KCTD16: variants seen among roughly 807,000 people sequenced by gnomAD.
KCTD16 encodes BTB/POZ domain-containing protein KCTD16.
In KCTD16, 13 loss-of-function variants were observed where a neutral mutation model predicts 33.2. The ratio of observed to expected loss-of-function variants is 0.39; its 90% CI spans 0.25 to 0.62. KCTD16 has a LOEUF of 0.62. KCTD16 is among the 20% of genes least tolerant of loss of function. The pLI, the probability that KCTD16 is intolerant of heterozygous loss-of-function variation, is 0.50. For missense variants in KCTD16, 441 were observed against 525.1 expected, an observed-to-expected ratio of 0.84 and a Z score of 1.57; for synonymous variants, 197 against 195.3, an observed-to-expected ratio of 1.01 and a Z score of -0.07.
intron 3 of KCTD16, chr5:144,385,239 T>C (rs1752298918): frequency 6.6e-6 from 1 of 152,226 alleles, no homozygotes; most frequent in African/African-American, 2.4e-5. Flanking sequence ...CAGAAAAATA[T>C]ATTTTTGTTT....
rs187240015 is a variant in KCTD16, at chr5:144,251,271, G to T, written c.832+43725G>T. 1.3e-4 allele frequency among the ~76,000 whole-genome samples: 20 copies of T among 152,260 alleles called. 1 individual carries two copies. In the East Asian group the frequency reaches 3.9e-3, roughly 29 times the overall value. On this transcript the variant is annotated intron_variant, in intron 3 of 3. Coordinates refer to ENST00000512467, the MANE Select transcript of KCTD16 (RefSeq NM_020768.4). Reference sequence around the variant, plus strand: ...AGGGGGTGGTGTGTTGTTTAAAAGGGAGTTCTGGAGGCAAAGTACCTGGGT... The same window carrying T: ...AGGGGGTGGTGTGTTGTTTAAAAGGTAGTTCTGGAGGCAAAGTACCTGGGT...
intron 3 of KCTD16, among the ~76,000 whole-genome samples, chr5:144,450,196 A>G (rs1753909532): frequency 6.6e-6 from 1 of 152,104 alleles, no homozygotes. Context: ...GTATATAAAA[A>G]GGCACTCAAC....
chr5:144,190,165 C>T (rs1752813027), intron 2 of KCTD16, among the ~76,000 whole-genome samples: 1 of 152,220 alleles, frequency 6.6e-6, no homozygotes, highest in Non-Finnish European at 1.5e-5. Flanking sequence ...GCTCCTATCA[C>T]TGCACTGGAT....
At chr5:144,454,919 A>G (rs56131523) in intron 3 of KCTD16, among the ~76,000 whole-genome samples, 12,595 of 152,188 alleles carry the variant, frequency 0.083, 1,726 homozygotes, top group African/African-American at 0.28. Flanking sequence ...TGAGGTTGGT[A>G]TCTACATGTG....
At chr5:144,344,154 G>T (rs540025120) in intron 3 of KCTD16, among the ~76,000 whole-genome samples, 1 of 152,054 alleles carries the variant, frequency 6.6e-6, no homozygotes, top group South Asian at 2.1e-4. Flanking sequence ...CTGGCTAGCC[G>T]TATGTAGAAA....
At chr5:144,199,788 C>G (rs1753007463) in intron 2 of KCTD16, among the ~76,000 whole-genome samples, 1 of 133,518 alleles carries the variant, frequency 7.5e-6, no homozygotes, top group Non-Finnish European at 1.5e-5. Context: ...AAAATCTTGG[C>G]TCATTGCAAT....
intron 3 of KCTD16, among the ~76,000 whole-genome samples, chr5:144,456,105 T>C (rs560586678): frequency 1.2e-4 from 18 of 152,254 alleles, no homozygotes; most frequent in Non-Finnish European, 2.6e-4. Flanking sequence ...GAATGGGGTA[T>C]GATTTTGGAG....
intron 3 of KCTD16, among the ~76,000 whole-genome samples, chr5:144,259,903 A>G (rs1254684631): frequency 1.3e-5 from 2 of 152,168 alleles, no homozygotes; most frequent in South Asian, 2.1e-4. Context: ...GCCCACAGGA[A>G]TTTAATGGTT....
intron 3 of KCTD16, among the ~76,000 whole-genome samples, chr5:144,255,568 T>A (rs1001383419): frequency 2.6e-5 from 4 of 152,234 alleles, no homozygotes; most frequent in Non-Finnish European, 5.9e-5. Flanking sequence ...ATTTGCGTTT[T>A]TCTGAAGTGA....
chr5:144,322,713 G>T (rs1381205354), intron 3 of KCTD16, among the ~76,000 whole-genome samples: 1 of 147,244 alleles, frequency 6.8e-6, no homozygotes, highest in Non-Finnish European at 1.5e-5. Flanking sequence ...ACAACAAAAG[G>T]ACATAAACTT....
intron 3 of KCTD16, among the ~76,000 whole-genome samples, chr5:144,299,061 TATATATATATA>T (rs1363245886): frequency 0.022 from 2,112 of 94,278 alleles, 247 homozygotes; most frequent in African/African-American, 0.074. Flanking sequence ...TATATATATA[TATATATATATA>T]TTTTTGTATA....
At chr5:144,312,959 C>T (rs922936998) in intron 3 of KCTD16, among the ~76,000 whole-genome samples, 3 of 152,110 alleles carry the variant, frequency 2.0e-5, no homozygotes, top group Non-Finnish European at 2.9e-5. Flanking sequence ...ACTATATCTC[C>T]GCTAATCGCC....
chr5:144,205,354 C>A, intron 2 of KCTD16: 1 of 395,372 alleles, frequency 2.5e-6, no homozygotes. Context: ...AGTCATTTCC[C>A]TGGATGGTTT....
rs1422960 is a variant in KCTD16 at position 144,482,344 on chromosome 5, A to G, written c.*8230A>G. 5.3e-5 allele frequency: 8 copies of G among 151,704 alleles called. No individual in the cohort carries two copies. Among genetic ancestry groups the G allele is most frequent in the Admixed American group, 2.0e-4 (3 of 15,212 alleles). 9.4% of individuals were successfully genotyped at this position (151,704 alleles called of 1,614,324 possible). ...AATGTTGTAGAACAAGTATCTGGTG[A>G]GTACTGATACCCTAAGAAACTCACC... On this transcript the variant is annotated 3_prime_UTR_variant, in exon 4 of 4. Transcript: ENST00000512467.
chr5:144,305,755 A>G (rs1437607010), intron 3 of KCTD16, among the ~76,000 whole-genome samples: 2 of 152,246 alleles, frequency 1.3e-5, no homozygotes, highest in African/African-American at 2.4e-5. Context: ...CGCAGGTTGC[A>G]GTGAGCTGAG....
intron 3 of KCTD16, among the ~76,000 whole-genome samples, chr5:144,304,132 G>A (rs1479426493): frequency 6.6e-6 from 1 of 151,978 alleles, no homozygotes; most frequent in Non-Finnish European, 1.5e-5. Flanking sequence ...TTATAGTAAA[G>A]AAAAAAGAAA....
At chr5:144,421,035 C>T (rs1321543441) in intron 3 of KCTD16, among the ~76,000 whole-genome samples, 1 of 152,190 alleles carries the variant, frequency 6.6e-6, no homozygotes, top group Non-Finnish European at 1.5e-5. Flanking sequence ...TTCTCTACCT[C>T]AGTGGTTTTA....
At chr5:144,292,906 G>A (rs1755932499) in intron 3 of KCTD16, among the ~76,000 whole-genome samples, 1 of 152,174 alleles carries the variant, frequency 6.6e-6, no homozygotes, top group South Asian at 2.1e-4. Flanking sequence ...GGGCTGCCCA[G>A]GAAGGGCCAA....
chr5:144,382,671 T>C (rs926462120), intron 3 of KCTD16, among the ~76,000 whole-genome samples: 1 of 152,210 alleles, frequency 6.6e-6, no homozygotes, highest in South Asian at 2.1e-4. Context: ...TGACATGTAG[T>C]AGATGCTCAA....
Sources: gnomAD v4.1 joint callset for allele counts (sites outside exome capture counted in the v4.1 genomes callset) on GRCh38, gnomAD v4.1.1 for gene constraint, MANE v1.5 for transcripts, NCBI Gene and HGNC (gene_info 2026-07-23, HGNC 2026-07-21) for gene names.